Variants in SLC28A1 observed in about 807,000 individuals in gnomAD.
The protein encoded by SLC28A1 is solute carrier family 28 member 1.
Under a neutral mutation model 74.8 loss-of-function variants are expected in SLC28A1, and 64 were observed. The observed-to-expected ratio is 0.86, with a 90% CI of 0.70 to 1.05. The LOEUF (loss-of-function observed/expected upper bound fraction) is 1.05. Ranked by LOEUF, SLC28A1 falls within the 50% of genes least tolerant of loss-of-function variation. SLC28A1 has a pLI of 0.00. For missense variants in SLC28A1, 828 were observed against 822.8 expected (o/e 1.01, Z -0.08); for synonymous variants, 359 against 335.0 (o/e 1.07, Z -0.78).
intron 6 of SLC28A1, chr15:84,895,919 T>A (rs1460289480): frequency 1.0e-6 from 1 of 1,000,122 alleles, no homozygotes; most frequent in East Asian, 9.9e-5. Context: ...CAAAGTGAGA[T>A]CCACATACCA....
At chr15:84,887,277 T>C (rs1429173358) in intron 2 of SLC28A1, 2 of 773,510 alleles carry the variant, frequency 2.6e-6, no homozygotes, top group Non-Finnish European at 3.1e-6. Context: ...CTGTATCAGA[T>C]ACATATGCAG....
chr15:84,969,262 G>A, the SLC28A1 span, among the ~76,000 whole-genome samples: 2 of 152,098 alleles, frequency 1.3e-5, no homozygotes, highest in Non-Finnish European at 1.5e-5. Flanking sequence ...TTGCCACCAC[G>A]GGCCAGGAGA....
chr15:84,886,530 G>C (rs1168333813), intron 1 of SLC28A1, 142 bp from the exon 2 acceptor site: 9 of 985,582 alleles, frequency 9.1e-6, no homozygotes, highest in Non-Finnish European at 1.1e-5. Flanking sequence ...GCTGCAGGGA[G>C]CCAGGTTGCA....
At chr15:84,928,610 TCTTTCTTTTCTTTCTTTCTTTC>T (rs1970889560) in intron 12 of SLC28A1, among the ~76,000 whole-genome samples, 3 of 25,068 alleles carry the variant, frequency 1.2e-4, no homozygotes, top group African/African-American at 8.6e-4. Context: ...TTCTTTTCTT[TCTTTCTTTTCTTTCTTTCTTTC>T]TTTTTTTTTG....
chr15:84,893,704 C>T (rs907108128), intron 5 of SLC28A1, among the ~76,000 whole-genome samples: 8 of 152,126 alleles, frequency 5.3e-5, no homozygotes, highest in Non-Finnish European at 8.8e-5. Context: ...TCTGGTCTCC[C>T]GCCTCTCTTC....
chr15:84,946,102 A>ATG (rs2079208773), downstream of SLC28A1, among the ~76,000 whole-genome samples: 1 of 13,646 alleles, frequency 7.3e-5, no homozygotes, highest in South Asian at 4.3e-3. Context: ...ATATATATAT[A>ATG]TATATATATA....
At chr15:84,897,261 C>G (rs1966109177) in intron 6 of SLC28A1, among the ~76,000 whole-genome samples, 1 of 151,156 alleles carries the variant, frequency 6.6e-6, no homozygotes, top group Admixed American at 6.6e-5. Flanking sequence ...TGGTACGCGC[C>G]TGTAATTGCA....
At chr15:84,917,781 C>A (rs926593868) in intron 9 of SLC28A1, among the ~76,000 whole-genome samples, 1 of 152,132 alleles carries the variant, frequency 6.6e-6, no homozygotes, top group Non-Finnish European at 1.5e-5. Context: ...AAGACCTCTC[C>A]ATTTTTTGCC....
In SLC28A1 at chr15:84,924,051, A is replaced by G. The variant is rs371789054; in HGVS notation, c.1024A>G (p.Met342Val). 2.4e-5 allele frequency: 38 copies of G among 1,613,852 alleles called. No homozygotes were observed. The highest frequency in any genetic ancestry group is 3.0e-5 in the Non-Finnish European group (35 of 1,180,008). The change falls in exon 12 of 19, where the codon ATG becomes GTG. Residue 342 changes from methionine (M) to valine (V), a missense_variant. Transcript: ENST00000394573. The part of the protein sequence containing the change: ...DMTLSEVHVV[M>V]TGGYATIAGS... ...GACACTCTCTGAAGTCCACGTTGTCATGACCGGAGGTTACGCCACCATTGC... is the reference window on the plus strand; with the variant it reads ...GACACTCTCTGAAGTCCACGTTGTCGTGACCGGAGGTTACGCCACCATTGC...
intron 4 of SLC28A1, among the ~76,000 whole-genome samples, chr15:84,889,881 G>T (rs1165258032): frequency 2.1e-5 from 3 of 141,522 alleles, no homozygotes; most frequent in African/African-American, 7.9e-5. Flanking sequence ...TTTTAGGCAG[G>T]TCTCACTCTG....
intron 12 of SLC28A1, among the ~76,000 whole-genome samples, chr15:84,928,404 C>T (rs937571490): frequency 1.3e-5 from 2 of 151,848 alleles, no homozygotes; most frequent in Admixed American, 1.3e-4. Flanking sequence ...TGCACCAGCC[C>T]TGTACTGCAC....
intron 5 of SLC28A1, among the ~76,000 whole-genome samples, chr15:84,894,098 G>A (rs776762671): frequency 2.0e-5 from 3 of 152,304 alleles, no homozygotes; most frequent in Non-Finnish European, 4.4e-5. Context: ...GAGGCCGGGC[G>A]CGGTGGCTTA....
intron 6 of SLC28A1, among the ~76,000 whole-genome samples, chr15:84,896,724 A>G (rs375225976): frequency 6.6e-6 from 1 of 152,188 alleles, no homozygotes; most frequent in South Asian, 2.1e-4. Flanking sequence ...AACTACCCAT[A>G]TGTCTATAAA....
intron 6 of SLC28A1, chr15:84,895,398 A>G: frequency 6.2e-7 from 1 of 1,614,028 alleles, no homozygotes. Flanking sequence ...CCATGGAGCA[A>G]GGAGGGCCCG....
chr15:84,920,739 C>G (rs1969727226), intron 10 of SLC28A1, among the ~76,000 whole-genome samples: 1 of 124,944 alleles, frequency 8.0e-6, no homozygotes, highest in Non-Finnish European at 1.6e-5. Context: ...TCACAATTCT[C>G]AAATATATTG....
chr15:84,952,505 C>T, the SLC28A1 span, among the ~76,000 whole-genome samples: 1 of 152,192 alleles, frequency 6.6e-6, no homozygotes, highest in African/African-American at 2.4e-5. Context: ...GGAGATGCCA[C>T]CACGCAGGTT....
intron 10 of SLC28A1, among the ~76,000 whole-genome samples, chr15:84,919,968 G>C (rs1260385770): frequency 6.6e-6 from 1 of 152,162 alleles, no homozygotes; most frequent in Non-Finnish European, 1.5e-5. Context: ...TAGTGAAAGG[G>C]ATTGAAACCA....
the SLC28A1 span, among the ~76,000 whole-genome samples, chr15:84,960,473 G>T: frequency 6.6e-6 from 1 of 151,842 alleles, no homozygotes; most frequent in East Asian, 1.9e-4. Context: ...GCCCAGGCTG[G>T]CCTCGAACCC....
the SLC28A1 span, among the ~76,000 whole-genome samples, chr15:84,953,871 T>C: frequency 6.6e-6 from 1 of 152,156 alleles, no homozygotes; most frequent in African/African-American, 2.4e-5. Context: ...ATCAAATAGC[T>C]TAGGAGAAGA....
Sources: allele counts gnomAD v4.1 joint callset (sites outside exome capture counted in the v4.1 genomes callset), GRCh38; gene constraint gnomAD v4.1.1; transcripts MANE v1.5; gene names NCBI Gene and HGNC (gene_info 2026-07-23, HGNC 2026-07-21).